ITPR3: variants seen among roughly 807,000 people sequenced by gnomAD.
The protein encoded by ITPR3 is inositol 1,4,5-trisphosphate receptor type 3, also known as inositol 1,4,5-trisphosphate-gated calcium channel ITPR3.
In ITPR3, 173 loss-of-function variants were observed where a neutral mutation model predicts 293.2. That is an observed-to-expected ratio of 0.59 (90% CI 0.52 to 0.67). The LOEUF (loss-of-function observed/expected upper bound fraction) is 0.67, where lower values mean the gene tolerates loss of function less well. Ranked by LOEUF, ITPR3 falls within the 30% of genes least tolerant of loss-of-function variation. The pLI, the probability that ITPR3 is intolerant of heterozygous loss-of-function variation, is 0.00. For missense variants in ITPR3, 2,796 were observed against 3,592.1 expected (o/e 0.78, Z 5.66); for synonymous variants, 1,295 against 1,444.4 (o/e 0.90, Z 2.35).
At chr6:33,651,145 C>T (rs996568274) in intron 2 of ITPR3, among the ~76,000 whole-genome samples, 1 of 152,034 alleles carries the variant, frequency 6.6e-6, no homozygotes, top group Non-Finnish European at 1.5e-5. Flanking sequence ...GGCGTGGTGG[C>T]ACGCGCCTGT....
Position 33,664,121 on chromosome 6 carries a change from G to A in ITPR3, c.1148+241G>A, listed in dbSNP as rs1242740328. 6.6e-6 allele frequency among the ~76,000 whole-genome samples: 1 copy of A among 152,234 alleles called. No individual in the cohort carries two copies. The highest frequency in any genetic ancestry group is 1.9e-4 in the East Asian group (1 of 5,200). On this transcript the variant is annotated intron_variant, in intron 11 of 57. Transcript: ENST00000605930. The surrounding 1 kb of genome is among the most constrained non-coding windows in gnomAD (Gnocchi z 4.4). ...TGGTCTGGGTGCTCAAGCACAGGCT[G>A]CATGGCAGTTTGTCTAGGACACCAG...
At chr6:33,640,365 G>C in intron 1 of ITPR3, 119 bp from the exon 2 acceptor site, 2 of 865,484 alleles carry the variant, frequency 2.3e-6, no homozygotes, top group Non-Finnish European at 3.5e-6. Flanking sequence ...GAGCTTGTTA[G>C]AGATGGAGGA....
At chr6:33,659,337 C>T in intron 6 of ITPR3, 129 bp from the exon 7 acceptor site, 1 of 954,032 alleles carries the variant, frequency 1.0e-6, no homozygotes, top group Non-Finnish European at 1.6e-6. Context: ...TCTGGGGACC[C>T]TGGCTAGGAG....
In ITPR3 at chr6:33,624,896, C is replaced by T. The variant is rs1000989270; in HGVS notation, c.89+3205C>T. Reference sequence around the variant, plus strand: ...GCAAAGTGGACGAGGCCAATTAGAGCCTCCTGGAGAATTAGAGGTCCTAGT... The same window carrying T: ...GCAAAGTGGACGAGGCCAATTAGAGTCTCCTGGAGAATTAGAGGTCCTAGT... On this transcript the variant is annotated intron_variant, in intron 1 of 57. Coordinates refer to ENST00000605930, the MANE Select transcript of ITPR3 (RefSeq NM_002224.4). This position sits in a 1 kb window ranked among gnomAD's most constrained non-coding sequence, Gnocchi z 4.7. Among the ~76,000 whole-genome samples the T allele has an allele frequency of 2.0e-5, 3 of 152,172 alleles. No homozygotes were observed. The highest frequency in any genetic ancestry group is 4.4e-5 in the Non-Finnish European group (3 of 68,024).
chr6:33,684,730 TCTC>T lies in ITPR3; in HGVS notation c.5138-41_5138-39del. ...CCTGCCCCCGGGCCCTCCCTTCCACTCTCCTGTCACACCAGCTCTCCCTCAACC... is the reference window on the plus strand; with the variant it reads ...CCTGCCCCCGGGCCCTCCCTTCCACTCTGTCACACCAGCTCTCCCTCAACC... On this transcript the variant is annotated intron_variant, in intron 38 of 57. Transcript: ENST00000605930. The surrounding 1 kb of genome is among the most constrained non-coding windows in gnomAD (Gnocchi z 4.2). 6.2e-7 allele frequency: 1 copy of T among 1,610,562 alleles called. No individual in the cohort carries two copies. Among genetic ancestry groups the T allele is most frequent in the South Asian group, 1.1e-5 (1 of 90,658 alleles).
In ITPR3 at chr6:33,673,781, T is replaced by G. The variant is rs906050383; in HGVS notation, c.3058+61T>G. 33 of 1,586,662 alleles carry G rather than the reference T, an allele frequency of 2.1e-5. No individual in the cohort carries two copies. The African/African-American group carries it at 4.3e-4, about 21-fold the overall frequency. On this transcript the variant is annotated intron_variant, in intron 23 of 57. Coordinates refer to ENST00000605930, the MANE Select transcript of ITPR3 (RefSeq NM_002224.4). Reference sequence around the variant, plus strand: ...CGACTCTCCCAGGGATACACAGCAGTGGGGTGGAGCCAGCTCCTCAGCCCT... The same window carrying G: ...CGACTCTCCCAGGGATACACAGCAGGGGGGTGGAGCCAGCTCCTCAGCCCT...
Position 33,678,405 on chromosome 6 carries a change from T to C in ITPR3, c.3649-16T>C. On this transcript the variant is annotated splice_polypyrimidine_tract_variant and intron_variant, in intron 28 of 57. Coordinates refer to ENST00000605930, the MANE Select transcript of ITPR3 (RefSeq NM_002224.4). ...CTTGGTGGGCCCAGCACCCTCTCCC[T>C]GACTCCTGTGTCCAGGGTGATGCCA... The C allele has an allele frequency of 6.2e-7, 1 of 1,611,768 alleles. No homozygotes were observed. Among genetic ancestry groups the C allele is most frequent in the Non-Finnish European group, 8.5e-7 (1 of 1,178,576 alleles).
At chr6:33,656,033 C>T in intron 3 of ITPR3, 146 bp downstream of exon 3, 2 of 1,070,408 alleles carry the variant, frequency 1.9e-6, no homozygotes, top group Non-Finnish European at 2.7e-6. Context: ...ACAGTTCACA[C>T]CTGTAATTCC....
In ITPR3 at chr6:33,670,659, C is replaced by A. The variant is rs751890254; in HGVS notation, c.2442-12C>A. 6.2e-7 allele frequency: 1 copy of A among 1,613,762 alleles called. No individual in the cohort carries two copies. The highest frequency in any genetic ancestry group is 8.5e-7 in the Non-Finnish European group (1 of 1,179,980). Reference sequence around the variant, plus strand: ...CTCGGGGACCTTCATGCCTCATGGCCTCCACCCTCAGCTATGATTCCAACC... The same window carrying A: ...CTCGGGGACCTTCATGCCTCATGGCATCCACCCTCAGCTATGATTCCAACC... On this transcript the variant is annotated splice_polypyrimidine_tract_variant and intron_variant, in intron 19 of 57. Coordinates refer to ENST00000605930, the MANE Select transcript of ITPR3 (RefSeq NM_002224.4). The surrounding 1 kb of genome is among the most constrained non-coding windows in gnomAD (Gnocchi z 6.7).
chr6:33,656,983 T>C (rs76943689), intron 3 of ITPR3, among the ~76,000 whole-genome samples: 9,854 of 152,312 alleles, frequency 0.065, 415 homozygotes, highest in African/African-American at 0.12. Context: ...GCTTCCTTCC[T>C]GCTGCCAGCA....
chr6:33,662,032 G>A (rs1282535590), intron 7 of ITPR3, among the ~76,000 whole-genome samples: 2 of 127,716 alleles, frequency 1.6e-5, no homozygotes, highest in African/African-American at 5.6e-5. Flanking sequence ...GGATCCAAAC[G>A]TGGTATCTCT....
chr6:33,680,832 T>G, intron 33 of ITPR3, 152 bp downstream of exon 33: 5 of 1,056,354 alleles, frequency 4.7e-6, no homozygotes, highest in Non-Finnish European at 6.5e-6. Flanking sequence ...TTTTTTTTTT[T>G]TTTTTTGAGA....
intron 3 of ITPR3, among the ~76,000 whole-genome samples, chr6:33,656,123 A>G (rs917183394): frequency 6.6e-6 from 1 of 152,160 alleles, no homozygotes; most frequent in Non-Finnish European, 1.5e-5. Flanking sequence ...GCAAGACCCT[A>G]TCTCTACAAA....
intron 1 of ITPR3, among the ~76,000 whole-genome samples, chr6:33,640,187 T>C (rs553004327): frequency 6.6e-6 from 1 of 152,210 alleles, no homozygotes; most frequent in African/African-American, 2.4e-5. Flanking sequence ...ACCTGCAGCA[T>C]GTGACAGGCC....
At position 33,674,196 on chromosome 6, in the gene ITPR3, C is replaced by T. The variant is rs755393427; in HGVS notation, c.3059-12C>T. 2 of 1,613,872 alleles carry T rather than the reference C, an allele frequency of 1.2e-6. No individual in the cohort carries two copies. The highest frequency in any genetic ancestry group is 8.5e-7 in the Non-Finnish European group (1 of 1,179,944). ...GCCTACAATCTGCTTCCATCTGCCC[C>T]TCTCCCCACAGCTGCCAACATGAAC... On this transcript the variant is annotated splice_polypyrimidine_tract_variant and intron_variant, in intron 23 of 57. Coordinates refer to ENST00000605930, the MANE Select transcript of ITPR3 (RefSeq NM_002224.4).
chr6:33,625,710 G>A (rs1331907741), intron 1 of ITPR3, among the ~76,000 whole-genome samples: 1 of 152,146 alleles, frequency 6.6e-6, no homozygotes, highest in Non-Finnish European at 1.5e-5. Context: ...GGATCACCCA[G>A]GGCTGGGTAA....
Position 33,621,601 on chromosome 6 carries a change from C to T in ITPR3, c.-2C>T. The T allele has an allele frequency of 1.3e-6, 2 of 1,591,782 alleles. No homozygotes were observed. The highest frequency in any genetic ancestry group is 1.7e-6 in the Non-Finnish European group (2 of 1,168,734). On this transcript the variant is annotated 5_prime_UTR_variant, in exon 1 of 58. Transcript: ENST00000605930. This position sits in a 1 kb window ranked among gnomAD's most constrained non-coding sequence, Gnocchi z 7.7. ...CGCCCTGGGCCCCGGAGGGCCGCAG[C>T]CATGAGTGAAATGTCCAGCTTTCTT... is the stretch of plus-strand genomic sequence containing the variant.
Position 33,671,151 on chromosome 6 carries a change from C to T in ITPR3, c.2587-14C>T. 3.1e-6 allele frequency: 5 copies of T among 1,612,900 alleles called. No individual in the cohort carries two copies. Among genetic ancestry groups the T allele is most frequent in the Non-Finnish European group, 4.2e-6 (5 of 1,179,666 alleles). On this transcript the variant is annotated splice_polypyrimidine_tract_variant and intron_variant, in intron 20 of 57. Coordinates refer to ENST00000605930, the MANE Select transcript of ITPR3 (RefSeq NM_002224.4). ...GGCCCCTCCCACCTCACCTCGGCCA[C>T]GCCCCCTTCGCAGGTGGTCAGCCTG...
At chr6:33,653,031 C>T (rs575283267) in intron 2 of ITPR3, among the ~76,000 whole-genome samples, 37 of 152,214 alleles carry the variant, frequency 2.4e-4, no homozygotes, top group Admixed American at 4.6e-4. Context: ...CCTTAGTCCC[C>T]CAAGTAGCTG....
Sources: allele counts gnomAD v4.1 joint callset (sites outside exome capture counted in the v4.1 genomes callset), GRCh38; gene constraint gnomAD v4.1.1; non-coding constraint Gnocchi (gnomAD v3.1); transcripts MANE v1.5; gene names NCBI Gene and HGNC (gene_info 2026-07-23, HGNC 2026-07-21).